The following SLC25A36 variants were observed in gnomAD, a reference collection of about 807,000 sequenced individuals.
SLC25A36 encodes the protein solute carrier family 25 member 36.
A neutral mutation model predicts 35.3 loss-of-function variants in SLC25A36; 24 were observed. The ratio of observed to expected loss-of-function variants is 0.68; its 90% CI spans 0.49 to 0.96. The LOEUF (loss-of-function observed/expected upper bound fraction) is 0.96. Among genes scored for constraint, SLC25A36 ranks in the 40% least tolerant of loss-of-function variants. The pLI is 0.00. For synonymous variants in SLC25A36, 141 were observed against 132.2 expected (o/e 1.07, Z -0.46); for missense variants, 294 against 381.1 (o/e 0.77, Z 1.90).
At chr3:140,947,432 T>C (rs537772534) in intron 1 of SLC25A36, among the ~76,000 whole-genome samples, 2 of 152,314 alleles carry the variant, frequency 1.3e-5, no homozygotes, top group African/African-American at 4.8e-5. Flanking sequence ...GTAAGCACTT[T>C]GAAGCTCCCA....
intron 1 of SLC25A36, among the ~76,000 whole-genome samples, chr3:140,955,592 T>TC (rs1237653172): frequency 1.3e-5 from 2 of 152,252 alleles, no homozygotes; most frequent in Non-Finnish European, 2.9e-5. Flanking sequence ...GTTCTGGTGA[T>TC]CAGTCCTTTT....
intron 2 of SLC25A36, among the ~76,000 whole-genome samples, 176 bp from the exon 3 acceptor site, chr3:140,959,286 AT>A (rs937825274): frequency 4.6e-5 from 7 of 152,202 alleles, no homozygotes; most frequent in Admixed American, 3.9e-4. Flanking sequence ...AAGTGCTGAA[AT>A]TACAGGCATG....
chr3:140,961,041 G>T (rs1477492837), intron 3 of SLC25A36, among the ~76,000 whole-genome samples: 1 of 152,160 alleles, frequency 6.6e-6, no homozygotes, highest in Non-Finnish European at 1.5e-5. Flanking sequence ...ACTGTATAAA[G>T]TTCATATTTA....
At chr3:140,967,297 A>G (rs914606460) in intron 4 of SLC25A36, among the ~76,000 whole-genome samples, 22 of 151,860 alleles carry the variant, frequency 1.4e-4, no homozygotes, top group African/African-American at 5.3e-4. Context: ...AACAATATAT[A>G]TATAGCTGTA....
rs192434758 is a variant in SLC25A36, at chr3:140,979,339, C to T, written c.*2886C>T. The T allele has an allele frequency of 2.0e-5, 3 of 152,204 alleles. No individual in the cohort carries two copies. Among genetic ancestry groups the T allele is most frequent in the East Asian group, 1.9e-4 (1 of 5,184 alleles). 9.4% of individuals were successfully genotyped at this position (152,204 alleles called of 1,614,324 possible). ...TTTTAAATCACTAAAAATATTTATT[C>T]GGATTTGAAGGATTTAAGTGCTAAA... On this transcript the variant is annotated 3_prime_UTR_variant, in exon 7 of 7. Transcript: ENST00000324194.
At chr3:140,962,412 G>A (rs1196759876) in intron 3 of SLC25A36, among the ~76,000 whole-genome samples, 2 of 152,128 alleles carry the variant, frequency 1.3e-5, no homozygotes. Flanking sequence ...GCATAAAATC[G>A]TAGTCAGTAA....
At chr3:140,968,059 T>C (rs903062988) in intron 4 of SLC25A36, 77 of 984,980 alleles carry the variant, frequency 7.8e-5, no homozygotes, top group Non-Finnish European at 7.6e-5. Flanking sequence ...TGGGAAGATA[T>C]GTTTAGCTTG....
chr3:140,962,056 C>T (rs193124782), intron 3 of SLC25A36, among the ~76,000 whole-genome samples: 1 of 151,956 alleles, frequency 6.6e-6, no homozygotes, highest in East Asian at 1.9e-4. Flanking sequence ...GTATATCTCT[C>T]CTGTGAATTG....
intron 4 of SLC25A36, among the ~76,000 whole-genome samples, chr3:140,967,377 A>C (rs1934788703): frequency 6.6e-6 from 1 of 151,958 alleles, no homozygotes; most frequent in Admixed American, 6.6e-5. Flanking sequence ...AACATATTTA[A>C]AAGCCTAATA....
chr3:140,972,486 C>G (rs1335302548), intron 5 of SLC25A36, among the ~76,000 whole-genome samples: 3 of 151,592 alleles, frequency 2.0e-5, no homozygotes, highest in Non-Finnish European at 4.4e-5. Context: ...CATTGCAAGA[C>G]TTAATCTCTA....
intron 6 of SLC25A36, 31 bp downstream of exon 6, chr3:140,974,036 A>G (rs764822387): frequency 6.9e-7 from 1 of 1,443,530 alleles, no homozygotes; most frequent in Non-Finnish European, 9.3e-7. Flanking sequence ...AATCAGAAAT[A>G]TTTTCCCACC....
rs1935059669 is a variant in SLC25A36 at position 140,976,771 on chromosome 3, C to G, written c.*318C>G. On this transcript the variant is annotated 3_prime_UTR_variant, in exon 7 of 7. Coordinates refer to ENST00000324194, the MANE Select transcript of SLC25A36 (RefSeq NM_001104647.3). ...ATTTATGGCAGTCTTCTAAACAAAG[C>G]CATCCTTAATTTTACATACTGTATT... 5.0e-6 allele frequency: 1 copy of G among 200,664 alleles called. No individual in the cohort carries two copies. Among genetic ancestry groups the G allele is most frequent in the Middle Eastern group, 1.9e-3 (1 of 534 alleles). The allele number at this position is 200,664 out of a possible 1,614,324, so 12.4% of individuals were successfully genotyped here. A position where few individuals can be genotyped will look rare whatever the true frequency, so the allele number is the denominator to read the frequency against.
At chr3:140,965,361 T>G (rs996328208) in intron 4 of SLC25A36, 3 of 151,706 alleles carry the variant, frequency 2.0e-5, no homozygotes, top group Non-Finnish European at 4.4e-5. Flanking sequence ...TGAAAAATCA[T>G]TTTCAGCTGT....
At chr3:140,969,226 A>G (rs948670010) in intron 4 of SLC25A36, among the ~76,000 whole-genome samples, 27 of 151,986 alleles carry the variant, frequency 1.8e-4, no homozygotes, top group Non-Finnish European at 4.0e-4. Flanking sequence ...GTTAAGCTAG[A>G]ACCATGCAAG....
chr3:140,963,228 G>T lies in SLC25A36; in HGVS notation c.385+1G>T. 6.6e-7 allele frequency: 1 copy of T among 1,512,596 alleles called. No homozygotes were observed. The allele number at this position is 1,512,596 out of a possible 1,614,324, so 93.7% of individuals were successfully genotyped here. A position where few individuals can be genotyped will look rare whatever the true frequency, so the allele number is the denominator to read the frequency against. On this transcript the variant is annotated splice_donor_variant, in intron 4 of 6. Transcript: ENST00000324194. LOFTEE classifies it high-confidence loss of function. The stretch of plus-strand genomic sequence containing the variant: ...CATATGATTTCAGCTGCAATGGCAG[G>T]TATGAATGTATAATATTAAAAAAAA...
chr3:140,971,877 A>G (rs1469422359), intron 5 of SLC25A36, among the ~76,000 whole-genome samples: 1 of 152,206 alleles, frequency 6.6e-6, no homozygotes, highest in Non-Finnish European at 1.5e-5. Context: ...TGTTTGGGAA[A>G]TAGTGTTATG....
chr3:140,965,285 T>A (rs1055465522), intron 4 of SLC25A36: 2 of 151,778 alleles, frequency 1.3e-5, no homozygotes, highest in African/African-American at 2.4e-5. Flanking sequence ...GGGTTTTTTT[T>A]AGGATTATTT....
At chr3:140,959,593 C>A (rs981858275) in intron 3 of SLC25A36, 53 bp downstream of exon 3, 18 of 808,980 alleles carry the variant, frequency 2.2e-5, no homozygotes, top group Non-Finnish European at 3.1e-5. Context: ...TCTTTTGTTT[C>A]AGCACACCTG....
At chr3:140,952,288 G>T (rs1934349295) in intron 1 of SLC25A36, among the ~76,000 whole-genome samples, 3 of 152,082 alleles carry the variant, frequency 2.0e-5, no homozygotes, top group Non-Finnish European at 4.4e-5. Flanking sequence ...AAAGTGCTAG[G>T]ATTACAGAAG....
Sources: allele counts gnomAD v4.1 joint callset (sites outside exome capture counted in the v4.1 genomes callset), GRCh38; gene constraint gnomAD v4.1.1; transcripts MANE v1.5; gene names NCBI Gene and HGNC (gene_info 2026-07-23, HGNC 2026-07-21).